Variants in DNAJC5B observed in about 807,000 individuals in gnomAD.
The protein encoded by DNAJC5B is dnaJ homolog subfamily C member 5B.
Under a neutral mutation model 24.7 loss-of-function variants are expected in DNAJC5B, and 23 were observed. The ratio of observed to expected loss-of-function variants is 0.93; its 90% CI spans 0.67 to 1.32. The LOEUF (loss-of-function observed/expected upper bound fraction) is 1.32. DNAJC5B is among the 40% of genes most tolerant of loss of function. The pLI is 0.00. For synonymous variants in DNAJC5B, 101 were observed against 90.1 expected (o/e 1.12, Z -0.68); for missense variants, 238 against 240.8 (o/e 0.99, Z 0.08).
upstream of DNAJC5B, among the ~76,000 whole-genome samples, chr8:66,020,689 G>C (rs1221033446): frequency 2.0e-5 from 3 of 151,424 alleles, no homozygotes; most frequent in African/African-American, 7.3e-5. Flanking sequence ...CCAGGCTGGA[G>C]TGCAGTGGTG....
chr8:66,018,102 G>A (rs1806001893), upstream of DNAJC5B, among the ~76,000 whole-genome samples: 1 of 152,172 alleles, frequency 6.6e-6, no homozygotes, highest in South Asian at 2.1e-4. Flanking sequence ...TCCAAGTGCG[G>A]TAGTTCTCAA....
At chr8:66,036,447 G>T (rs1341775315) in intron 1 of DNAJC5B, among the ~76,000 whole-genome samples, 2 of 152,134 alleles carry the variant, frequency 1.3e-5, no homozygotes, top group African/African-American at 4.8e-5. Context: ...ACAAGCTCTG[G>T]GATGCTATTG....
intron 5 of DNAJC5B, among the ~76,000 whole-genome samples, chr8:66,094,182 G>A (rs1365148154): frequency 1.3e-5 from 2 of 151,978 alleles, no homozygotes; most frequent in African/African-American, 4.8e-5. Context: ...TCAAAATCAG[G>A]TTTTTGTCAA....
At chr8:66,057,418 T>G (rs550484173) in intron 3 of DNAJC5B, 1 of 151,824 alleles carries the variant, frequency 6.6e-6, no homozygotes, top group Non-Finnish European at 1.5e-5. Flanking sequence ...GAAAACAGAG[T>G]CTCAGAAACC....
rs1807744174 is a variant in DNAJC5B, at chr8:66,087,125, G to C, written c.505+6577G>C. On this transcript the variant is annotated intron_variant, in intron 5 of 5. Transcript: ENST00000276570. ...GCAAAAGAGGTTTAATTGACTCACA[G>C]TTCCTCATGGCTGAGGAGGCCTCAG... 2.0e-5 allele frequency among the ~76,000 whole-genome samples: 3 copies of C among 152,162 alleles called. No individual in the cohort carries two copies. In the South Asian group the frequency reaches 6.2e-4, roughly 31 times the overall value.
Position 66,092,115 on chromosome 8 carries a change from A to G in DNAJC5B, c.506-7822A>G, listed in dbSNP as rs926421797. On this transcript the variant is annotated intron_variant, in intron 5 of 5. Coordinates refer to ENST00000276570, the MANE Select transcript of DNAJC5B (RefSeq NM_033105.6). ...AAAGTGTGAGTCATACATTAACTGT[A>G]TATGTACTCAATGCCACTGAATTGT... 1.2e-4 allele frequency among the ~76,000 whole-genome samples: 18 copies of G among 152,228 alleles called. 1 individual carries two copies.
intron 1 of DNAJC5B, among the ~76,000 whole-genome samples, chr8:66,042,922 C>T (rs1806645585): frequency 6.6e-6 from 1 of 151,960 alleles, no homozygotes; most frequent in Admixed American, 6.6e-5. Context: ...GCCTCCAGGA[C>T]CCCACTGTGC....
intron 2 of DNAJC5B, among the ~76,000 whole-genome samples, chr8:66,046,795 T>C (rs1014166810): frequency 3.3e-5 from 5 of 152,270 alleles, no homozygotes; most frequent in Admixed American, 6.5e-5. Flanking sequence ...TTCTCAGCCT[T>C]GGAAGCTCAA....
rs557567744 is a variant in DNAJC5B, at chr8:66,035,894, G to A, written c.-141-7594G>A. Among the ~76,000 whole-genome samples, 19 of 152,130 alleles carry A rather than the reference G, an allele frequency of 1.2e-4. 1 individual carries two copies. The highest frequency in any genetic ancestry group is 2.9e-5 in the Non-Finnish European group (2 of 67,990). Reference sequence around the variant, plus strand: ...CTCCTAGGGGACCTTCCCTCTTCCCGGCACCTCCAGCACATGTTTTCTTTA... The same window carrying A: ...CTCCTAGGGGACCTTCCCTCTTCCCAGCACCTCCAGCACATGTTTTCTTTA... On this transcript the variant is annotated intron_variant, in intron 1 of 5. Transcript: ENST00000276570.
At chr8:66,069,669 A>G (rs1166279845) in intron 3 of DNAJC5B, among the ~76,000 whole-genome samples, 1 of 152,274 alleles carries the variant, frequency 6.6e-6, no homozygotes, top group African/African-American at 2.4e-5. Context: ...AAACTATTCC[A>G]AACAATAGAA....
intron 1 of DNAJC5B, among the ~76,000 whole-genome samples, chr8:66,025,877 G>A (rs1352643775): frequency 1.2e-5 from 1 of 86,856 alleles, no homozygotes. Flanking sequence ...CTCCAGCTTT[G>A]TTCTTTTGGC....
chr8:66,020,842 A>G (rs1806102556), upstream of DNAJC5B, among the ~76,000 whole-genome samples: 1 of 152,080 alleles, frequency 6.6e-6, no homozygotes, highest in African/African-American at 2.4e-5. Context: ...CTCACTATAT[A>G]GCTCGGGCTG....
intron 1 of DNAJC5B, among the ~76,000 whole-genome samples, chr8:66,031,079 A>T (rs1445363687): frequency 6.6e-6 from 1 of 152,252 alleles, no homozygotes; most frequent in Non-Finnish European, 1.5e-5. Context: ...CCACTTTAGC[A>T]GACAGTCAGG....
intron 1 of DNAJC5B, among the ~76,000 whole-genome samples, chr8:66,031,042 G>C (rs2128956280): frequency 6.6e-6 from 1 of 152,338 alleles, no homozygotes; most frequent in Non-Finnish European, 1.5e-5. Context: ...ATAAGTTGCA[G>C]AAGCAATCAT....
At chr8:66,074,897 T>G (rs1807428096) in intron 3 of DNAJC5B, among the ~76,000 whole-genome samples, 1 of 152,068 alleles carries the variant, frequency 6.6e-6, no homozygotes, top group Non-Finnish European at 1.5e-5. Context: ...CAAGTGGAGG[T>G]GTTCCAGCTC....
At chr8:66,044,050 T>G (rs1011852166) in intron 2 of DNAJC5B, among the ~76,000 whole-genome samples, 2 of 152,138 alleles carry the variant, frequency 1.3e-5, no homozygotes, top group Non-Finnish European at 2.9e-5. Context: ...CTGGAACTCC[T>G]GACCTCAGGT....
At chr8:66,052,021 G>C (rs1806858727) in intron 3 of DNAJC5B, among the ~76,000 whole-genome samples, 1 of 151,884 alleles carries the variant, frequency 6.6e-6, no homozygotes, top group Admixed American at 6.6e-5. Context: ...CTGGAGTGCA[G>C]TGGTGCAATC....
intron 3 of DNAJC5B, among the ~76,000 whole-genome samples, chr8:66,065,727 G>C (rs1384119152): frequency 6.6e-6 from 1 of 152,182 alleles, no homozygotes; most frequent in Non-Finnish European, 1.5e-5. Flanking sequence ...GTTGGTGCTT[G>C]GGTGCTTCGA....
At chr8:66,061,949 C>A (rs1017188099) in intron 3 of DNAJC5B, among the ~76,000 whole-genome samples, 39 of 151,900 alleles carry the variant, frequency 2.6e-4, no homozygotes, top group Non-Finnish European at 3.7e-4. Flanking sequence ...CGGGGAGTGG[C>A]AGCCTGTGGG....
Sources: gnomAD v4.1 joint callset for allele counts (sites outside exome capture counted in the v4.1 genomes callset) on GRCh38, gnomAD v4.1.1 for gene constraint, MANE v1.5 for transcripts, NCBI Gene and HGNC (gene_info 2026-07-23, HGNC 2026-07-21) for gene names.